Variants in C5 observed in about 807,000 individuals in gnomAD.
The protein encoded by C5 is complement C5, also known as C3 and PZP-like alpha-2-macroglobulin domain-containing protein 4.
C5 carries 140 observed loss-of-function variants against 218.8 expected under a neutral mutation model. The observed-to-expected ratio is 0.64, with a 90% CI of 0.56 to 0.74. The LOEUF (loss-of-function observed/expected upper bound fraction) is 0.74, where lower values mean the gene tolerates loss of function less well. Ranked by LOEUF, C5 falls within the 30% of genes least tolerant of loss-of-function variation. The pLI is 0.00. For synonymous variants in C5, 614 were observed against 682.3 expected (o/e 0.90, Z 1.56); for missense variants, 1,700 against 1,969.6 (o/e 0.86, Z 2.59).
intron 28 of C5, chr9:120,979,690 T>A: frequency 3.8e-6 from 1 of 264,254 alleles, no homozygotes; most frequent in South Asian, 4.4e-5. Context: ...GCATTTGAGA[T>A]CATCCGGGGA....
chr9:121,037,044 T>A (rs1162819288), intron 4 of C5, among the ~76,000 whole-genome samples: 1 of 151,906 alleles, frequency 6.6e-6, no homozygotes, highest in Admixed American at 6.6e-5. Context: ...ATCATGGGAG[T>A]TCAATGCACA....
At chr9:120,984,518 T>C (rs10514838) in intron 25 of C5, among the ~76,000 whole-genome samples, 14,563 of 152,160 alleles carry the variant, frequency 0.096, 773 homozygotes, top group African/African-American at 0.14. Context: ...AGTGCAGTTA[T>C]ACGGCCAGGC....
At chr9:121,072,838 G>GA in the C5 span, among the ~76,000 whole-genome samples, 4 of 144,034 alleles carry the variant, frequency 2.8e-5, no homozygotes, top group East Asian at 6.1e-4. Context: ...AAAAAGAAAA[G>GA]AAAAAAAATG....
chr9:120,960,128 G>A, intron 38 of C5, 120 bp downstream of exon 38: 1 of 697,646 alleles, frequency 1.4e-6, no homozygotes, highest in East Asian at 2.7e-5. Context: ...TTTTCCTTCA[G>A]GGGATCACAT....
chr9:121,043,157 T>C lies in C5; in HGVS notation c.268A>G (p.Lys90Glu). 1.9e-6 allele frequency: 3 copies of C among 1,612,608 alleles called. No individual in the cohort carries two copies. The highest frequency in any genetic ancestry group is 8.5e-7 in the Non-Finnish European group (1 of 1,179,118). Residue 90 changes from lysine to glutamate, a missense_variant, in exon 3 of 41, where the codon AAA becomes GAA. By Grantham distance (56) the Lys-to-Glu change is moderately conservative. Transcript: ENST00000223642. ...GGGTTTTGTCCTCCAGGCAATTGTT[T>C]TGGTTGTATCTGGAAAAGAAATTGT... ...QNSAILTIQP[K>E]QLPGGQNPVS...
upstream of C5, among the ~76,000 whole-genome samples, chr9:121,051,698 A>C (rs1488877037): frequency 1.3e-5 from 2 of 152,254 alleles, no homozygotes; most frequent in East Asian, 3.8e-4. Flanking sequence ...CACTAGGGAA[A>C]AAAGGAGCAC....
chr9:121,005,832 T>G, intron 20 of C5, 87 bp downstream of exon 20: 4 of 1,384,860 alleles, frequency 2.9e-6, no homozygotes, highest in Non-Finnish European at 3.1e-6. Flanking sequence ...GAACTTCTAC[T>G]TTTTTGTGTA....
intron 39 of C5, among the ~76,000 whole-genome samples, chr9:120,954,200 G>A (rs1164796767): frequency 6.6e-6 from 1 of 152,116 alleles, no homozygotes; most frequent in Non-Finnish European, 1.5e-5. Context: ...AAAGTGCCTG[G>A]AACATAGTAG....
chr9:120,952,973 G>C (rs947438982), intron 40 of C5, 105 bp from the exon 41 acceptor site: 28 of 1,221,896 alleles, frequency 2.3e-5, no homozygotes, highest in Non-Finnish European at 3.1e-5. Flanking sequence ...GCCCATGCTG[G>C]AGTGCAGTGG....
At chr9:121,047,277 T>C (rs1034465594) in intron 1 of C5, among the ~76,000 whole-genome samples, 1 of 152,222 alleles carries the variant, frequency 6.6e-6, no homozygotes, top group Non-Finnish European at 1.5e-5. Flanking sequence ...TCAGTTGTTA[T>C]GTGTACAGTT....
At position 121,017,652 on chromosome 9, in the gene C5, G is replaced by A. The variant is rs764084461; in HGVS notation, c.1707C>T (p.Asn569=). 2 of 1,613,120 alleles carry A rather than the reference G, an allele frequency of 1.2e-6. No homozygotes were observed. Among genetic ancestry groups the A allele is most frequent in the Non-Finnish European group, 1.7e-6 (2 of 1,179,380 alleles). ...ATAATTTGTGGCTTACCTGGAGCTG[G>A]TTGCCACATTTTTCTTCAATATTTA... The part of the protein sequence containing the change: ...VWLNIEEKCG[N]QLQVHLSPDA... The change falls in exon 13 of 41, where the codon AAC becomes AAT. Residue 569 remains asparagine (N), a synonymous_variant. Transcript: ENST00000223642.
chr9:120,968,916 A>G, intron 33 of C5, 145 bp downstream of exon 33: 1 of 704,774 alleles, frequency 1.4e-6, no homozygotes, highest in East Asian at 2.6e-5. Flanking sequence ...TAGCAATTTA[A>G]GAATATATAT....
In C5 at chr9:121,023,532, C is replaced by T; in HGVS notation, c.1001-13G>A. Reference sequence around the variant, plus strand: ...TCAGAAAATCCACCTAAGGAAATGGCAAGCATCATGTTGACAGTTTTTAGG... The same window carrying T: ...TCAGAAAATCCACCTAAGGAAATGGTAAGCATCATGTTGACAGTTTTTAGG... On this transcript the variant is annotated splice_polypyrimidine_tract_variant and intron_variant, in intron 9 of 40. Transcript: ENST00000223642. The T allele has an allele frequency of 6.8e-7, 1 of 1,476,526 alleles. No individual in the cohort carries two copies. Among genetic ancestry groups the T allele is most frequent in the Non-Finnish European group, 9.5e-7 (1 of 1,054,412 alleles). The allele number at this position is 1,476,526 out of a possible 1,614,324, so 91.5% of individuals were successfully genotyped here. A position where few individuals can be genotyped will look rare whatever the true frequency, so the allele number is the denominator to read the frequency against.
At chr9:120,996,462 T>C (rs2047117267) in intron 21 of C5, among the ~76,000 whole-genome samples, 162 bp from the exon 22 acceptor site, 1 of 152,218 alleles carries the variant, frequency 6.6e-6, no homozygotes, top group African/African-American at 2.4e-5. Flanking sequence ...GCAATAAGAT[T>C]TTATGGCTAT....
chr9:120,964,684 G>A (rs981529584), intron 33 of C5, among the ~76,000 whole-genome samples: 1 of 152,152 alleles, frequency 6.6e-6, no homozygotes, highest in Admixed American at 6.6e-5. Context: ...CACAATGGGA[G>A]GGTTTTGTTT....
intron 29 of C5, among the ~76,000 whole-genome samples, chr9:120,975,209 G>A (rs917320388): frequency 3.9e-5 from 6 of 152,150 alleles, no homozygotes; most frequent in African/African-American, 7.2e-5. Context: ...ACTGTTTGCA[G>A]AATTCATCTG....
chr9:121,044,365 A>C (rs1316806379), intron 2 of C5, among the ~76,000 whole-genome samples: 1 of 152,120 alleles, frequency 6.6e-6, no homozygotes. Context: ...AATCCCAGCT[A>C]CTTGAGAGGC....
At chr9:120,960,715 T>A (rs902453174) in intron 37 of C5, among the ~76,000 whole-genome samples, 1 of 152,232 alleles carries the variant, frequency 6.6e-6, no homozygotes, top group African/African-American at 2.4e-5. Context: ...GCGTATTTTA[T>A]GTATGGCCCA....
chr9:121,069,221 A>G, the C5 span, among the ~76,000 whole-genome samples: 1 of 152,222 alleles, frequency 6.6e-6, no homozygotes, highest in Non-Finnish European at 1.5e-5. Flanking sequence ...AACCCAGAGA[A>G]TGGGAGAAAA....
Sources: gnomAD v4.1 joint callset for allele counts (sites outside exome capture counted in the v4.1 genomes callset) on GRCh38, gnomAD v4.1.1 for gene constraint, MANE v1.5 for transcripts, NCBI Gene and HGNC (gene_info 2026-07-23, HGNC 2026-07-21) for gene names.